Variants in GALNTL6 observed in about 807,000 individuals in gnomAD.
GALNTL6 encodes polypeptide N-acetylgalactosaminyltransferase like 6.
A neutral mutation model predicts 73.7 loss-of-function variants in GALNTL6; 46 were observed. The observed-to-expected ratio is 0.62, with a 90% CI of 0.49 to 0.80. The LOEUF (loss-of-function observed/expected upper bound fraction) is 0.80. Among genes scored for constraint, GALNTL6 ranks in the 30% least tolerant of loss-of-function variants. GALNTL6 has a pLI of 0.00. For missense variants in GALNTL6, 604 were observed against 755.0 expected (o/e 0.80, Z 2.34); for synonymous variants, 259 against 263.7 (o/e 0.98, Z 0.17).
At chr4:172,767,176 G>A (rs925104466) in intron 5 of GALNTL6, among the ~76,000 whole-genome samples, 1 of 152,180 alleles carries the variant, frequency 6.6e-6, no homozygotes, top group Non-Finnish European at 1.5e-5. Context: ...TATTATTTGT[G>A]TCAGATCAGA....
intron 5 of GALNTL6, among the ~76,000 whole-genome samples, chr4:172,532,021 T>C (rs1288851313): frequency 6.6e-6 from 1 of 152,180 alleles, no homozygotes; most frequent in African/African-American, 2.4e-5. Flanking sequence ...GTAGGTTTCT[T>C]CTGAGATGGA....
chr4:172,696,915 A>T (rs1305472980), intron 5 of GALNTL6, among the ~76,000 whole-genome samples: 1 of 152,212 alleles, frequency 6.6e-6, no homozygotes, highest in Non-Finnish European at 1.5e-5. Flanking sequence ...ACTGGAAATT[A>T]TGAGTTTTTC....
At chr4:172,935,787 T>C (rs1748582686) in intron 9 of GALNTL6, among the ~76,000 whole-genome samples, 1 of 152,136 alleles carries the variant, frequency 6.6e-6, no homozygotes, top group African/African-American at 2.4e-5. Context: ...GAGGCAGTAA[T>C]TAATAGCCTA....
At chr4:172,201,015 AAG>A in intron 2 of GALNTL6, among the ~76,000 whole-genome samples, 1 of 152,298 alleles carries the variant, frequency 6.6e-6, no homozygotes, top group East Asian at 1.9e-4. Flanking sequence ...TGCTCTATGA[AAG>A]AGAAGCTGAA....
intron 5 of GALNTL6, among the ~76,000 whole-genome samples, chr4:172,498,426 T>C (rs925967513): frequency 6.6e-6 from 1 of 152,204 alleles, no homozygotes. Context: ...AAATGTGTAC[T>C]CTATAGTATA....
intron 2 of GALNTL6, among the ~76,000 whole-genome samples, chr4:171,869,867 C>T (rs1195240711): frequency 1.3e-5 from 2 of 152,098 alleles, no homozygotes; most frequent in Admixed American, 6.6e-5. Flanking sequence ...CATCTTCTGC[C>T]ATGATTGTGA....
chr4:172,671,586 C>A lies in GALNTL6; in HGVS notation c.554-137775C>A, dbSNP rs555614545. On this transcript the variant is annotated intron_variant, in intron 5 of 12. Transcript: ENST00000506823. ...CTGAGACTACGGGGTTTTCTAGATA[C>A]AAGATTATATCATCTGCAAACAGGG... Among the ~76,000 whole-genome samples the A allele has an allele frequency of 2.0e-5, 3 of 152,244 alleles. No individual in the cohort carries two copies. The East Asian group carries it at 5.8e-4, about 29-fold the overall frequency.
intron 5 of GALNTL6, among the ~76,000 whole-genome samples, chr4:172,700,322 A>C (rs1316840326): frequency 9.9e-5 from 15 of 152,178 alleles, no homozygotes. Context: ...TCAACAAGAC[A>C]ATCTATTTAA....
intron 3 of GALNTL6, among the ~76,000 whole-genome samples, chr4:172,280,667 A>G (rs1398117198): frequency 6.6e-6 from 1 of 152,112 alleles, no homozygotes; most frequent in African/African-American, 2.4e-5. Flanking sequence ...TTTATAATCA[A>G]TATCTGTCGA....
chr4:172,931,092 A>T (rs1748310696), intron 8 of GALNTL6, 69 bp from the exon 9 acceptor site: 1 of 836,866 alleles, frequency 1.2e-6, no homozygotes, highest in African/African-American at 1.7e-5. Flanking sequence ...ATGGTTTATG[A>T]GTCCTACTGA....
At chr4:172,096,430 T>C (rs1732360812) in intron 2 of GALNTL6, among the ~76,000 whole-genome samples, 1 of 152,136 alleles carries the variant, frequency 6.6e-6, no homozygotes, top group South Asian at 2.1e-4. Flanking sequence ...ATATTCTGGA[T>C]TTTCTTCAAT....
intron 7 of GALNTL6, among the ~76,000 whole-genome samples, chr4:172,876,924 T>C (rs1483682119): frequency 6.6e-6 from 1 of 152,214 alleles, no homozygotes; most frequent in Non-Finnish European, 1.5e-5. Context: ...GGTTATATAA[T>C]TGAAAATTAT....
At chr4:172,063,464 T>G (rs926862933) in intron 2 of GALNTL6, among the ~76,000 whole-genome samples, 5 of 133,628 alleles carry the variant, frequency 3.7e-5, no homozygotes, top group Non-Finnish European at 8.3e-5. Flanking sequence ...ATAACTACTT[T>G]TTTTAAAGAA....
At chr4:172,854,889 G>A (rs1185145226) in intron 7 of GALNTL6, among the ~76,000 whole-genome samples, 3 of 152,122 alleles carry the variant, frequency 2.0e-5, no homozygotes, top group South Asian at 2.1e-4. Context: ...AGAATACCAG[G>A]ACAGATCCTG....
rs563810256 is a variant in GALNTL6, at chr4:172,469,909, G to A, written c.553+121220G>A. ...ATGACCTAGGCAGCCAGTAGTGAAC[G>A]AGAAGAGCTGGATTTACTACTATTG... is the stretch of plus-strand genomic sequence containing the variant. On this transcript the variant is annotated intron_variant, in intron 5 of 12. Transcript: ENST00000506823. 3.5e-4 allele frequency among the ~76,000 whole-genome samples: 53 copies of A among 152,284 alleles called. No homozygotes were observed. The East Asian group carries it at 7.9e-3, about 23-fold the overall frequency.
chr4:172,417,692 T>C (rs1182749756), intron 5 of GALNTL6, among the ~76,000 whole-genome samples: 4 of 152,078 alleles, frequency 2.6e-5, no homozygotes, highest in African/African-American at 4.8e-5. Flanking sequence ...GAAAAAGATA[T>C]TGCGATTGTT....
intron 2 of GALNTL6, among the ~76,000 whole-genome samples, chr4:171,842,466 A>G (rs1735262935): frequency 6.6e-6 from 1 of 152,132 alleles, no homozygotes; most frequent in South Asian, 2.1e-4. Flanking sequence ...ATGAAGAAAT[A>G]CCTGAGGCTG....
At chr4:172,589,959 T>C (rs1737569950) in intron 5 of GALNTL6, among the ~76,000 whole-genome samples, 1 of 152,216 alleles carries the variant, frequency 6.6e-6, no homozygotes, top group Non-Finnish European at 1.5e-5. Flanking sequence ...CTACAGTTAA[T>C]AGAGCAATCA....
At chr4:172,485,851 A>G (rs1210675974) in intron 5 of GALNTL6, among the ~76,000 whole-genome samples, 1 of 152,130 alleles carries the variant, frequency 6.6e-6, no homozygotes, top group East Asian at 1.9e-4. Flanking sequence ...TTATGTTGTA[A>G]AAGTAAGGTT....
Sources: allele counts gnomAD v4.1 joint callset (sites outside exome capture counted in the v4.1 genomes callset), GRCh38; gene constraint gnomAD v4.1.1; transcripts MANE v1.5; gene names NCBI Gene and HGNC (gene_info 2026-07-23, HGNC 2026-07-21).